HDAC9: variants seen among roughly 807,000 people sequenced by gnomAD.
HDAC9 encodes histone deacetylase 9.
A neutral mutation model predicts 139.4 loss-of-function variants in HDAC9; 41 were observed. The ratio of observed to expected loss-of-function variants is 0.29; its 90% CI spans 0.23 to 0.38. The LOEUF (loss-of-function observed/expected upper bound fraction) is 0.38, where lower values mean the gene tolerates loss of function less well. Among genes scored for constraint, HDAC9 ranks in the 10% least tolerant of loss-of-function variants. The pLI, the probability that HDAC9 is intolerant of heterozygous loss-of-function variation, is 1.00. For missense variants in HDAC9, 1,147 were observed against 1,297.0 expected (o/e 0.88, Z 1.78); for synonymous variants, 517 against 476.2 (o/e 1.09, Z -1.12).
At chr7:18,622,423 A>G (rs1468078150) in intron 6 of HDAC9, among the ~76,000 whole-genome samples, 3 of 152,144 alleles carry the variant, frequency 2.0e-5, no homozygotes, top group African/African-American at 7.2e-5. Flanking sequence ...TCCCAGGTTC[A>G]AGCAATTCTG....
chr7:18,886,859 T>C (rs1261426924), intron 22 of HDAC9, among the ~76,000 whole-genome samples: 2 of 152,244 alleles, frequency 1.3e-5, no homozygotes, highest in Non-Finnish European at 2.9e-5. Context: ...GGTTCTTCCT[T>C]GGCCTGACAT....
chr7:18,957,353 T>G (rs1021108508), intron 24 of HDAC9, among the ~76,000 whole-genome samples: 13 of 152,170 alleles, frequency 8.5e-5, no homozygotes, highest in African/African-American at 3.1e-4. Flanking sequence ...TTCAGAGTCT[T>G]AAACTTCATA....
At chr7:18,329,282 A>G (rs1390144836) in intron 1 of HDAC9, among the ~76,000 whole-genome samples, 1 of 151,728 alleles carries the variant, frequency 6.6e-6, no homozygotes, top group Non-Finnish European at 1.5e-5. Flanking sequence ...TGTATTTTAT[A>G]TTTCAAAATT....
At chr7:18,861,020 A>G (rs1798063063) in intron 21 of HDAC9, among the ~76,000 whole-genome samples, 1 of 152,174 alleles carries the variant, frequency 6.6e-6, no homozygotes, top group South Asian at 2.1e-4. Flanking sequence ...GGAAAGACTG[A>G]TTTAGTAATG....
intron 1 of HDAC9, among the ~76,000 whole-genome samples, chr7:18,156,439 A>T (rs1360963333): frequency 6.6e-6 from 1 of 152,138 alleles, no homozygotes; most frequent in Non-Finnish European, 1.5e-5. Flanking sequence ...TCTCTGATCC[A>T]AATCCAAGGA....
At position 18,466,222 on chromosome 7, in the gene HDAC9, G is replaced by T. The variant is rs558232750; in HGVS notation, c.-41-30040G>T. Among the ~76,000 whole-genome samples the T allele has an allele frequency of 6.6e-5, 10 of 152,194 alleles. 1 individual carries two copies. The highest frequency in any genetic ancestry group is 2.2e-4 in the African/African-American group (9 of 41,532). ...TATGTATTTATTTATTTAGAGACAG[G>T]GTTTCACTCTCTTGCCCAGGCTAGA... On this transcript the variant is annotated intron_variant, in intron 1 of 3. Coordinates refer to the HDAC9 transcript ENST00000413509.
At chr7:18,790,019 A>G (rs1175530141) in intron 16 of HDAC9, among the ~76,000 whole-genome samples, 1 of 152,164 alleles carries the variant, frequency 6.6e-6, no homozygotes, top group Non-Finnish European at 1.5e-5. Context: ...GAAAGTGGAT[A>G]TGGATGTTCT....
chr7:18,889,067 C>G (rs1800434232), intron 22 of HDAC9, among the ~76,000 whole-genome samples: 1 of 152,150 alleles, frequency 6.6e-6, no homozygotes, highest in South Asian at 2.1e-4. Flanking sequence ...ATAATGTACA[C>G]CTCTTACCAC....
rs191116292 is a variant in HDAC9, at chr7:18,426,318, G to A, written c.-41-69944G>A. ...CACTAAGTGCCAGTTTGCCAAGTGA[G>A]CTTTCATGTAAGTGGCGGCGTTTAT... On this transcript the variant is annotated intron_variant, in intron 1 of 3. Coordinates refer to the HDAC9 transcript ENST00000413509. Among the ~76,000 whole-genome samples the A allele has an allele frequency of 5.7e-4, 87 of 152,306 alleles. 1 individual carries two copies. Among genetic ancestry groups the A allele is most frequent in the Admixed American group, 3.6e-3 (55 of 15,296 alleles).
intron 2 of HDAC9, among the ~76,000 whole-genome samples, chr7:18,179,484 A>G (rs1445896734): frequency 6.6e-6 from 1 of 152,110 alleles, no homozygotes; most frequent in Non-Finnish European, 1.5e-5. Context: ...TTGGGGTTCT[A>G]TGTTCTTAAC....
chr7:18,715,497 T>A (rs1784635091), intron 12 of HDAC9, among the ~76,000 whole-genome samples: 3 of 152,160 alleles, frequency 2.0e-5, no homozygotes, highest in Admixed American at 2.0e-4. Flanking sequence ...TGCTTGGTAA[T>A]TTATACACAA....
intron 22 of HDAC9, among the ~76,000 whole-genome samples, chr7:18,897,388 T>C (rs1307315661): frequency 2.6e-5 from 4 of 151,960 alleles, no homozygotes; most frequent in African/African-American, 9.7e-5. Flanking sequence ...ACTCTAGGAC[T>C]TTATAACTTT....
intron 22 of HDAC9, among the ~76,000 whole-genome samples, chr7:18,920,404 G>A (rs1803591553): frequency 2.6e-5 from 4 of 152,138 alleles, no homozygotes; most frequent in Admixed American, 1.3e-4. Flanking sequence ...CTGAGACAAT[G>A]GGGTTTTCTA....
intron 1 of HDAC9, among the ~76,000 whole-genome samples, chr7:18,304,272 A>C: frequency 6.6e-6 from 1 of 152,186 alleles, no homozygotes; most frequent in East Asian, 1.9e-4. Context: ...GATTTTATGG[A>C]TGGGAGCTTT....
intron 1 of HDAC9, among the ~76,000 whole-genome samples, chr7:18,088,766 G>A (rs949293690): frequency 8.6e-5 from 13 of 152,020 alleles, no homozygotes; most frequent in African/African-American, 3.1e-4. Flanking sequence ...TTCCAGTTTG[G>A]ACCAATTTAA....
At chr7:18,594,145 C>T in intron 6 of HDAC9, 116 bp downstream of exon 6, 1 of 977,906 alleles carries the variant, frequency 1.0e-6, no homozygotes, top group Non-Finnish European at 1.5e-6. Flanking sequence ...TATACCTCCC[C>T]ACCCCTGCCC....
Position 18,495,826 on chromosome 7 carries a change from C to T in HDAC9, c.-239C>T. 1 of 1,023,044 alleles carries T rather than the reference C, an allele frequency of 9.8e-7. No individual in the cohort carries two copies. 63.4% of individuals were successfully genotyped at this position (1,023,044 alleles called of 1,614,324 possible). ...AGGACTGAGGGTTTTTGCAACAAAACCCTAGCAGCCTGAAGAACTCTAAGC... is the reference window on the plus strand; with the variant it reads ...AGGACTGAGGGTTTTTGCAACAAAATCCTAGCAGCCTGAAGAACTCTAAGC... On this transcript the variant is annotated 5_prime_UTR_variant, in exon 1 of 26. Coordinates refer to ENST00000686413, the MANE Select transcript of HDAC9 (RefSeq NM_178425.4).
intron 24 of HDAC9, among the ~76,000 whole-genome samples, chr7:18,963,113 T>C (rs1224675376): frequency 2.0e-5 from 3 of 152,138 alleles, no homozygotes; most frequent in Non-Finnish European, 4.4e-5. Flanking sequence ...AAACAATCTA[T>C]TGAAATACAT....
chr7:18,733,194 T>C (rs983021124), intron 13 of HDAC9, among the ~76,000 whole-genome samples: 1 of 148,738 alleles, frequency 6.7e-6, no homozygotes, highest in African/African-American at 2.5e-5. Context: ...TATACATATA[T>C]ACACGTGTAT....
Sources: allele counts gnomAD v4.1 joint callset (sites outside exome capture counted in the v4.1 genomes callset), GRCh38; gene constraint gnomAD v4.1.1; transcripts MANE v1.5; gene names NCBI Gene and HGNC (gene_info 2026-07-23, HGNC 2026-07-21).